The following LUZP2 variants were observed in gnomAD, a reference collection of about 807,000 sequenced individuals.
LUZP2 encodes the protein leucine zipper protein 2.
In LUZP2, 52 loss-of-function variants were observed where a neutral mutation model predicts 51.6. That is an observed-to-expected ratio of 1.01 (90% CI 0.81 to 1.27). The LOEUF (loss-of-function observed/expected upper bound fraction) is 1.27. Ranked by LOEUF, LUZP2 falls within the 50% of genes most tolerant of loss-of-function variation. The probability of loss-of-function intolerance (pLI) is 0.00; values close to 1 mark genes in which losing one functional copy is unlikely to be tolerated. For synonymous variants in LUZP2, 154 were observed against 137.3 expected (o/e 1.12, Z -0.85); for missense variants, 436 against 395.4 (o/e 1.10, Z -0.87).
At position 24,738,269 on chromosome 11, in the gene LUZP2, G is replaced by A. The variant is rs1280536382; in HGVS notation, c.300G>A (p.Glu100=). The A allele has an allele frequency of 1.2e-6, 2 of 1,612,662 alleles. No individual in the cohort carries two copies. The highest frequency in any genetic ancestry group is 1.7e-5 in the Admixed American group (1 of 59,854). The change falls in exon 4 of 12, where the codon GAG becomes GAA. Residue 100 remains glutamate, a synonymous_variant. Transcript: ENST00000336930. ...LQEALQNQLK[E]TSEKAEKHQA... ...AGGCCCTGCAAAATCAGCTTAAGGA[G>A]ACATCAGAGAAAGCAGAAAAACACC...
chr11:24,586,754 T>C (rs1004233865), intron 1 of LUZP2, among the ~76,000 whole-genome samples: 20 of 152,088 alleles, frequency 1.3e-4, no homozygotes, highest in African/African-American at 4.8e-4. Context: ...AGACAATAAT[T>C]AATCCTCACT....
intron 1 of LUZP2, among the ~76,000 whole-genome samples, chr11:24,502,557 C>T (rs747135691): frequency 1.3e-5 from 2 of 151,726 alleles, no homozygotes; most frequent in African/African-American, 2.4e-5. Flanking sequence ...CTGATTTTTT[C>T]GTATTTTTAG....
chr11:24,672,147 T>C (rs1856420116), intron 1 of LUZP2, among the ~76,000 whole-genome samples: 1 of 152,138 alleles, frequency 6.6e-6, no homozygotes, highest in Admixed American at 6.6e-5. Context: ...TGCTAGGAAA[T>C]ACTTATATTA....
At chr11:24,699,354 C>T (rs930452802) in intron 1 of LUZP2, among the ~76,000 whole-genome samples, 2 of 151,852 alleles carry the variant, frequency 1.3e-5, no homozygotes, top group Non-Finnish European at 1.5e-5. Flanking sequence ...TTTTGAATTC[C>T]CTGCATAGTT....
chr11:24,960,465 T>C (rs1416178178), intron 7 of LUZP2, among the ~76,000 whole-genome samples: 3 of 131,048 alleles, frequency 2.3e-5, no homozygotes, highest in African/African-American at 8.6e-5. Flanking sequence ...AACTTCTTCC[T>C]GGTTTAGTCT....
At chr11:24,858,900 T>G (rs1329013507) in intron 5 of LUZP2, among the ~76,000 whole-genome samples, 1 of 152,200 alleles carries the variant, frequency 6.6e-6, no homozygotes, top group Non-Finnish European at 1.5e-5. Context: ...CATTTTGAAA[T>G]CCAGTGTTCT....
chr11:24,610,889 G>C (rs1854095566), intron 1 of LUZP2, among the ~76,000 whole-genome samples: 1 of 152,182 alleles, frequency 6.6e-6, no homozygotes, highest in African/African-American at 2.4e-5. Context: ...AGGTTGCAGT[G>C]AGTCAAAGTT....
intron 1 of LUZP2, among the ~76,000 whole-genome samples, chr11:24,631,834 G>A (rs1808268539): frequency 6.6e-6 from 1 of 151,898 alleles, no homozygotes; most frequent in South Asian, 2.1e-4. Context: ...TTTTTTGAGA[G>A]ATATTTTATT....
intron 1 of LUZP2, among the ~76,000 whole-genome samples, chr11:24,681,306 T>C (rs1470864594): frequency 6.6e-6 from 1 of 152,162 alleles, no homozygotes; most frequent in East Asian, 1.9e-4. Context: ...TCTAAGACCA[T>C]GTTTCTAACG....
chr11:24,957,627 A>G (rs1360163418), intron 7 of LUZP2, among the ~76,000 whole-genome samples: 3 of 152,172 alleles, frequency 2.0e-5, no homozygotes, highest in Non-Finnish European at 4.4e-5. Context: ...TATTTCACTT[A>G]GCATAATGCT....
chr11:24,861,766 T>G (rs1851750144), intron 5 of LUZP2, among the ~76,000 whole-genome samples: 1 of 152,166 alleles, frequency 6.6e-6, no homozygotes, highest in African/African-American at 2.4e-5. Flanking sequence ...CATTATTGTT[T>G]CCCCTTTCAG....
At chr11:24,602,148 A>ATG (rs1853704994) in intron 1 of LUZP2, among the ~76,000 whole-genome samples, 34 of 83,084 alleles carry the variant, frequency 4.1e-4, no homozygotes, top group Admixed American at 2.7e-3. Context: ...ATATGTATAT[A>ATG]TGTATATATG....
intron 7 of LUZP2, among the ~76,000 whole-genome samples, chr11:24,968,761 C>T (rs927249653): frequency 8.5e-5 from 13 of 152,168 alleles, no homozygotes; most frequent in Admixed American, 2.0e-4. Context: ...CTCTGCTTTC[C>T]GCTTCAATTG....
intron 9 of LUZP2, among the ~76,000 whole-genome samples, chr11:25,044,294 C>G (rs28622551): frequency 1.6e-5 from 2 of 128,158 alleles, no homozygotes; most frequent in African/African-American, 2.9e-5. Context: ...TATATATAGT[C>G]TGATGCCCAT....
intron 5 of LUZP2, among the ~76,000 whole-genome samples, chr11:24,847,000 C>G (rs1851223363): frequency 6.6e-6 from 1 of 151,570 alleles, no homozygotes; most frequent in Non-Finnish European, 1.5e-5. Context: ...GTACAACACT[C>G]TCTCCATATA....
chr11:25,014,774 T>G (rs2133963773), intron 9 of LUZP2, among the ~76,000 whole-genome samples: 1 of 152,314 alleles, frequency 6.6e-6, no homozygotes, highest in Non-Finnish European at 1.5e-5. Flanking sequence ...ATTTGTCAAT[T>G]TTGGCTTTTG....
intron 1 of LUZP2, among the ~76,000 whole-genome samples, chr11:24,613,292 G>A (rs1272981652): frequency 6.6e-6 from 1 of 152,034 alleles, no homozygotes; most frequent in Non-Finnish European, 1.5e-5. Flanking sequence ...GATTGTACTT[G>A]TGAATGCAGG....
At chr11:24,771,726 G>C (rs1324885842) in intron 5 of LUZP2, among the ~76,000 whole-genome samples, 1 of 152,024 alleles carries the variant, frequency 6.6e-6, no homozygotes, top group South Asian at 2.1e-4. Flanking sequence ...AAGGGTGGGG[G>C]CCAGGTGGAG....
chr11:24,543,454 C>G (rs1851440996), intron 1 of LUZP2, among the ~76,000 whole-genome samples: 1 of 152,056 alleles, frequency 6.6e-6, no homozygotes, highest in South Asian at 2.1e-4. Flanking sequence ...CCCAAAACTT[C>G]ATGATGGCTT....
Sources: gnomAD v4.1 joint callset for allele counts (sites outside exome capture counted in the v4.1 genomes callset) on GRCh38, gnomAD v4.1.1 for gene constraint, MANE v1.5 for transcripts, NCBI Gene and HGNC (gene_info 2026-07-23, HGNC 2026-07-21) for gene names.